The following MACROD2 variants were observed in gnomAD, a reference collection of about 807,000 sequenced individuals.
MACROD2 encodes the protein ADP-ribose glycohydrolase MACROD2.
In MACROD2, 36 loss-of-function variants were observed where a neutral mutation model predicts 70.4. The ratio of observed to expected loss-of-function variants is 0.51; its 90% CI spans 0.39 to 0.68. The LOEUF (loss-of-function observed/expected upper bound fraction) is 0.68, where lower values mean the gene tolerates loss of function less well. Among genes scored for constraint, MACROD2 ranks in the 30% least tolerant of loss-of-function variants. MACROD2 has a pLI of 0.00. For missense variants in MACROD2, 496 were observed against 538.4 expected (o/e 0.92, Z 0.78); for synonymous variants, 172 against 178.8 (o/e 0.96, Z 0.30).
chr20:14,624,242 T>C (rs1238714669), intron 4 of MACROD2, among the ~76,000 whole-genome samples: 3 of 152,162 alleles, frequency 2.0e-5, no homozygotes, highest in Non-Finnish European at 2.9e-5. Context: ...GGAGAAACTA[T>C]TGCAATTAAG....
chr20:14,693,121 T>A (rs373195658), intron 5 of MACROD2, among the ~76,000 whole-genome samples: 1 of 152,176 alleles, frequency 6.6e-6, no homozygotes, highest in African/African-American at 2.4e-5. Context: ...ATAATGTAAA[T>A]GGGCTCTTGA....
chr20:15,526,292 C>G (rs1457223235), intron 8 of MACROD2, among the ~76,000 whole-genome samples: 3 of 152,142 alleles, frequency 2.0e-5, no homozygotes, highest in African/African-American at 7.2e-5. Flanking sequence ...AATATCTGAT[C>G]TTTTGAAACA....
At chr20:14,319,894 C>T (rs377308815) in intron 3 of MACROD2, among the ~76,000 whole-genome samples, 4 of 152,088 alleles carry the variant, frequency 2.6e-5, no homozygotes, top group African/African-American at 4.8e-5. Context: ...TTATCTCATC[C>T]GCCCTCTCAA....
chr20:14,737,030 A>G (rs183273658), intron 5 of MACROD2, among the ~76,000 whole-genome samples: 116 of 152,164 alleles, frequency 7.6e-4, no homozygotes, highest in Admixed American at 1.7e-3. Flanking sequence ...AGGTATACAC[A>G]TGCCATGGTG....
chr20:14,966,451 C>T (rs2074637776), intron 5 of MACROD2, among the ~76,000 whole-genome samples: 1 of 152,130 alleles, frequency 6.6e-6, no homozygotes. Context: ...TGGTGCATGC[C>T]TGTAGACCCA....
At chr20:15,081,358 A>C (rs1312137415) in intron 5 of MACROD2, among the ~76,000 whole-genome samples, 1 of 152,172 alleles carries the variant, frequency 6.6e-6, no homozygotes, top group Non-Finnish European at 1.5e-5. Flanking sequence ...AAATATTCAC[A>C]ATCTGGCACT....
At chr20:14,025,114 A>T (rs368114200) in intron 2 of MACROD2, among the ~76,000 whole-genome samples, 136 of 152,302 alleles carry the variant, frequency 8.9e-4, no homozygotes, top group Admixed American at 2.1e-3. Context: ...GTATGTGTCT[A>T]GGAATTTCTC....
At chr20:14,294,120 T>A (rs750684949) in intron 3 of MACROD2, among the ~76,000 whole-genome samples, 42 of 151,910 alleles carry the variant, frequency 2.8e-4, no homozygotes, top group South Asian at 6.2e-4. Context: ...CCAAATCACT[T>A]TTAACCTTTT....
intron 3 of MACROD2, chr20:14,327,032 G>C (rs746867958): frequency 1.9e-6 from 3 of 1,613,648 alleles, no homozygotes; most frequent in Non-Finnish European, 2.5e-6. Context: ...GACAGGAAAA[G>C]CAGTCGGAGA....
intron 4 of MACROD2, among the ~76,000 whole-genome samples, chr20:14,594,997 G>A (rs62202904): frequency 0.06 from 9,092 of 151,970 alleles, 410 homozygotes; most frequent in Middle Eastern, 0.11. Context: ...TCCCCCTCTG[G>A]TATAAATATA....
intron 5 of MACROD2, among the ~76,000 whole-genome samples, chr20:14,770,383 A>G (rs759660286): frequency 3.9e-5 from 6 of 152,066 alleles, no homozygotes. Flanking sequence ...TTCTGATTTT[A>G]GGATTTCTCT....
chr20:14,234,999 C>T (rs996029206), intron 3 of MACROD2, among the ~76,000 whole-genome samples: 6 of 152,192 alleles, frequency 3.9e-5, no homozygotes, highest in South Asian at 4.1e-4. Flanking sequence ...TTTTACTCTT[C>T]AGGTTCTTTT....
chr20:15,577,061 T>G (rs2048458231), intron 8 of MACROD2, among the ~76,000 whole-genome samples: 1 of 152,202 alleles, frequency 6.6e-6, no homozygotes, highest in Admixed American at 6.5e-5. Flanking sequence ...GATAACTTCC[T>G]TAGTCTTTTA....
At chr20:15,999,589 T>C (rs555862862) in intron 15 of MACROD2, among the ~76,000 whole-genome samples, 1 of 152,346 alleles carries the variant, frequency 6.6e-6, no homozygotes, top group African/African-American at 2.4e-5. Flanking sequence ...CCTACTATTA[T>C]TGTATTGCTA....
In MACROD2 at chr20:15,574,565, A is replaced by C. The variant is rs575899578; in HGVS notation, c.645+74718A>C. On this transcript the variant is annotated intron_variant, in intron 8 of 17. Transcript: ENST00000684519. ...TGAAAGCATAGGAATGTTTTAGAAGATTTTTAGCTCTCGCAATTGGGAATC... is the reference window on the plus strand; with the variant it reads ...TGAAAGCATAGGAATGTTTTAGAAGCTTTTTAGCTCTCGCAATTGGGAATC... Among the ~76,000 whole-genome samples, 17 of 152,270 alleles carry C rather than the reference A, an allele frequency of 1.1e-4. No homozygotes were observed. In the South Asian group the frequency reaches 1.2e-3, roughly 11 times the overall value.
At chr20:15,875,564 C>T (rs2064656251) in intron 9 of MACROD2, among the ~76,000 whole-genome samples, 1 of 151,876 alleles carries the variant, frequency 6.6e-6, no homozygotes, top group Admixed American at 6.6e-5. Context: ...CACATTTTGC[C>T]TTCAATGAAA....
At chr20:14,861,035 TG>T in intron 5 of MACROD2, among the ~76,000 whole-genome samples, 1 of 152,154 alleles carries the variant, frequency 6.6e-6, no homozygotes, top group Non-Finnish European at 1.5e-5. Flanking sequence ...GTTTTTATTC[TG>T]TTATATAACA....
At chr20:15,524,551 A>G (rs1206868493) in intron 8 of MACROD2, among the ~76,000 whole-genome samples, 1 of 152,134 alleles carries the variant, frequency 6.6e-6, no homozygotes, top group African/African-American at 2.4e-5. Context: ...TGTCATTTCT[A>G]TATAATTTCT....
chr20:14,477,119 G>A (rs975018036), intron 3 of MACROD2, among the ~76,000 whole-genome samples: 6 of 152,138 alleles, frequency 3.9e-5, no homozygotes, highest in Admixed American at 1.3e-4. Flanking sequence ...GACAGAGTTT[G>A]GCTACTGGAA....
Sources: allele counts gnomAD v4.1 joint callset (sites outside exome capture counted in the v4.1 genomes callset), GRCh38; gene constraint gnomAD v4.1.1; transcripts MANE v1.5; gene names NCBI Gene and HGNC (gene_info 2026-07-23, HGNC 2026-07-21).